The following ZSCAN32 variants were observed in gnomAD, a reference collection of about 807,000 sequenced individuals.
ZSCAN32 encodes zinc finger and SCAN domain-containing protein 32.
ZSCAN32 carries 52 observed loss-of-function variants against 47.4 expected under a neutral mutation model. That is an observed-to-expected ratio of 1.10 (90% CI 0.88 to 1.38). The LOEUF (loss-of-function observed/expected upper bound fraction) is 1.38, where lower values mean the gene tolerates loss of function less well. Ranked by LOEUF, ZSCAN32 falls within the 40% of genes most tolerant of loss-of-function variation. The pLI, the probability that ZSCAN32 is intolerant of heterozygous loss-of-function variation, is 0.00. For synonymous variants in ZSCAN32, 346 were observed against 305.7 expected, an observed-to-expected ratio of 1.13 and a Z score of -1.38; for missense variants, 959 against 846.0, an observed-to-expected ratio of 1.13 and a Z score of -1.66.
intron 5 of ZSCAN32, among the ~76,000 whole-genome samples, chr16:3,386,617 AATG>A (rs1257481556): frequency 1.3e-5 from 2 of 152,228 alleles, no homozygotes; most frequent in Admixed American, 6.5e-5. Context: ...AACCATAAAA[AATG>A]ATGAGTTCAT....
chr16:3,385,152 G>C lies in ZSCAN32; in HGVS notation c.752-211C>G, dbSNP rs977431872. On this transcript the variant is annotated intron_variant, in intron 5 of 6. Coordinates refer to ENST00000396852, the MANE Select transcript of ZSCAN32 (RefSeq NM_001284527.2). ...ATCCTGGCCAACATGGTGAAACCCC[G>C]TCTCTACTAAAAATACAACAAAAAA... Among the ~76,000 whole-genome samples, 3 of 152,194 alleles carry C rather than the reference G, an allele frequency of 2.0e-5. No homozygotes were observed. In the East Asian group the frequency reaches 5.8e-4, roughly 29 times the overall value.
At position 3,383,688 on chromosome 16, in the gene ZSCAN32, T is replaced by C; in HGVS notation, c.1258A>G (p.Lys420Glu). The C allele has an allele frequency of 1.3e-6, 2 of 1,588,262 alleles. No individual in the cohort carries two copies. The highest frequency in any genetic ancestry group is 8.5e-7 in the Non-Finnish European group (1 of 1,173,068). Reference protein sequence around the residue: ...RLGFEFKNEIKKENLKWDDSE... With the variant: ...RLGFEFKNEIEKENLKWDDSE... ...TCATCCCATTTTAGATTTTCTTTTTTAATCTCGTTCTTGAACTCAAAACCT... is the reference window on the plus strand; with the variant it reads ...TCATCCCATTTTAGATTTTCTTTTTCAATCTCGTTCTTGAACTCAAAACCT... Residue 420 changes from lysine (K) to glutamate (E), a missense_variant, in exon 7 of 7, where the codon AAA becomes GAA. Physicochemically the swap from Lys to Glu is moderately conservative, Grantham distance 56. Transcript: ENST00000396852.
At position 3,382,837 on chromosome 16, in the gene ZSCAN32, A is replaced by G. The variant is rs1298475272; in HGVS notation, c.*15T>C. The G allele has an allele frequency of 1.3e-6, 2 of 1,537,494 alleles. No individual in the cohort carries two copies. Among genetic ancestry groups the G allele is most frequent in the East Asian group, 2.3e-5 (1 of 44,122 alleles). On this transcript the variant is annotated 3_prime_UTR_variant, in exon 7 of 7. Transcript: ENST00000396852. ...GCTGACCTGAGGAACTTAATCTGAC[A>G]GTTTACCGACACACTCATAACGCAT...
rs572875233 is a variant in ZSCAN32, at chr16:3,393,808, C to T, written c.373G>A (p.Asp125Asn). The T allele has an allele frequency of 2.6e-6, 4 of 1,548,940 alleles. No individual in the cohort carries two copies. Among genetic ancestry groups the T allele is most frequent in the South Asian group, 1.2e-5 (1 of 83,956 alleles). Reference sequence around the variant, plus strand: ...AGTACTTTCAAGTCCTTCTCAGAATCTAGAACCTGAGAACAGACCCCATTA... The same window carrying T: ...AGTACTTTCAAGTCCTTCTCAGAATTTAGAACCTGAGAACAGACCCCATTA... ...VQRAPGQQVL[D>N]SEKDLKVLMK... Residue 125 changes from aspartate to asparagine, a missense_variant, in exon 3 of 7, where the codon GAT becomes AAT. Physicochemically the swap from Asp to Asn is conservative, Grantham distance 23. Coordinates refer to ENST00000396852, the MANE Select transcript of ZSCAN32 (RefSeq NM_001284527.2).
At chr16:3,396,866 C>G (rs558646183) in intron 2 of ZSCAN32, among the ~76,000 whole-genome samples, 45 of 152,346 alleles carry the variant, frequency 3.0e-4, no homozygotes, top group African/African-American at 1.0e-3. Flanking sequence ...GATTTTCATT[C>G]ACTAGCATCT....
At chr16:3,392,684 G>A (rs568178420) in intron 3 of ZSCAN32, among the ~76,000 whole-genome samples, 74 of 152,074 alleles carry the variant, frequency 4.9e-4, no homozygotes, top group Non-Finnish European at 9.3e-4. Context: ...AAAATTAGCC[G>A]GGCATGGTGG....
Position 3,382,766 on chromosome 16 carries a change from T to C in ZSCAN32, c.*86A>G. 6.7e-7 allele frequency: 1 copy of C among 1,502,258 alleles called. No individual in the cohort carries two copies. Among genetic ancestry groups the C allele is most frequent in the Non-Finnish European group, 8.9e-7 (1 of 1,126,146 alleles). 93.1% of individuals were successfully genotyped at this position (1,502,258 alleles called of 1,614,324 possible). On this transcript the variant is annotated 3_prime_UTR_variant, in exon 7 of 7. Transcript: ENST00000396852. ...AGTAGTCAGTAGGTCTGTTGCAAAG[T>C]CAGGGACTGGCTAGATCTCTCCACA...
chr16:3,399,177 C>G (rs1322822532), intron 1 of ZSCAN32, among the ~76,000 whole-genome samples: 3 of 152,106 alleles, frequency 2.0e-5, no homozygotes, highest in Non-Finnish European at 2.9e-5. Context: ...GAGCTGTGAT[C>G]ACGCCATTGC....
chr16:3,389,969 G>T, intron 5 of ZSCAN32, 41 bp downstream of exon 5: 2 of 1,560,014 alleles, frequency 1.3e-6, no homozygotes. Context: ...CTGAACAACT[G>T]AACACATCCA....
intron 4 of ZSCAN32, 128 bp from the exon 5 acceptor site, chr16:3,390,261 G>C: frequency 7.0e-7 from 1 of 1,428,218 alleles, no homozygotes; most frequent in South Asian, 1.4e-5. Context: ...GCTCCCAGTG[G>C]GACAGGTTCT....
chr16:3,393,959 T>A, intron 2 of ZSCAN32, 145 bp from the exon 3 acceptor site: 1 of 647,732 alleles, frequency 1.5e-6, no homozygotes, highest in Non-Finnish European at 2.4e-6. Flanking sequence ...TGTAATAAAA[T>A]AAAAATTAAT....
At chr16:3,386,508 A>G (rs1267479323) in intron 5 of ZSCAN32, among the ~76,000 whole-genome samples, 3 of 152,228 alleles carry the variant, frequency 2.0e-5, no homozygotes, top group African/African-American at 7.2e-5. Context: ...TTATTGCGGC[A>G]CTATTCACAA....
At position 3,383,323 on chromosome 16, in the gene ZSCAN32, T is replaced by G; in HGVS notation, c.1623A>C (p.Arg541Ser). 3.1e-6 allele frequency: 5 copies of G among 1,614,164 alleles called. No individual in the cohort carries two copies. The highest frequency in any genetic ancestry group is 4.2e-6 in the Non-Finnish European group (5 of 1,180,024). Residue 541 changes from arginine (R) to serine (S), a missense_variant, in exon 7 of 7, where the codon AGA (arginine) becomes AGC (serine). Transcript: ENST00000396852. ...TGTGAGGCTTCTCGCCTGTGTGGAT[T>G]CTTTGATGCCGAACAAGATAAGAAC... Reference protein sequence around the residue: ...SRSSYLVRHQRIHTGEKPHKC... With the variant: ...SRSSYLVRHQSIHTGEKPHKC...
intron 3 of ZSCAN32, among the ~76,000 whole-genome samples, chr16:3,391,028 G>C (rs2032630015): frequency 6.6e-6 from 1 of 152,052 alleles, no homozygotes; most frequent in South Asian, 2.1e-4. Flanking sequence ...TTCAAGAATT[G>C]TACAAATATG....
Position 3,383,473 on chromosome 16 carries a change from G to A in ZSCAN32, c.1473C>T (p.Asp491=). ...CACAGAGGATATGTGTACAGGCTTT[G>A]TCCCTGGCACAAAAACTCTGGTGAC... ...KMSHQSFCAR[D]KACTHILCGK... The change falls in exon 7 of 7, where the codon GAC becomes GAT. Residue 491 remains aspartate, a synonymous_variant. Coordinates refer to ENST00000396852, the MANE Select transcript of ZSCAN32 (RefSeq NM_001284527.2). The A allele has an allele frequency of 6.2e-7, 1 of 1,614,132 alleles. No homozygotes were observed. The highest frequency in any genetic ancestry group is 8.5e-7 in the Non-Finnish European group (1 of 1,180,008).
At chr16:3,384,341 C>T in intron 6 of ZSCAN32, 118 bp downstream of exon 6, 1 of 1,410,210 alleles carries the variant, frequency 7.1e-7, no homozygotes, top group Non-Finnish European at 9.7e-7. Flanking sequence ...TGGATAGGGT[C>T]ACACATCAAG....
In ZSCAN32 at chr16:3,383,047, G is replaced by A. The variant is rs746828225; in HGVS notation, c.1899C>T (p.Tyr633=). Residue 633 remains tyrosine (Y), a synonymous_variant, in exon 7 of 7, where the codon TAC becomes TAT. Transcript: ENST00000396852. ...AGATTTTCCCACACACTGCACACTT[G>A]TATGGGCTCTCCCCAGTGTGGATGC... ...HRRIHTGESP[Y]KCAVCGKIFN... 6.2e-7 allele frequency: 1 copy of A among 1,614,174 alleles called. No individual in the cohort carries two copies. Among genetic ancestry groups the A allele is most frequent in the South Asian group, 1.1e-5 (1 of 91,078 alleles).
intron 3 of ZSCAN32, among the ~76,000 whole-genome samples, chr16:3,392,820 C>T (rs1023186199): frequency 1.6e-4 from 24 of 151,232 alleles, no homozygotes; most frequent in Admixed American, 6.6e-4. Context: ...AGCAAGACTC[C>T]GTCTCAAAAA....
At chr16:3,386,911 T>C (rs2032074004) in intron 5 of ZSCAN32, among the ~76,000 whole-genome samples, 1 of 149,298 alleles carries the variant, frequency 6.7e-6, no homozygotes, top group South Asian at 2.2e-4. Flanking sequence ...CTGCACTTTG[T>C]GCACATGTAC....
Sources: gnomAD v4.1 joint callset for allele counts (sites outside exome capture counted in the v4.1 genomes callset) on GRCh38, gnomAD v4.1.1 for gene constraint, MANE v1.5 for transcripts, NCBI Gene and HGNC (gene_info 2026-07-23, HGNC 2026-07-21) for gene names.